Variants in ANO9 observed in about 807,000 individuals in gnomAD.
The protein encoded by ANO9 is anoctamin 9.
ANO9 carries 80 observed loss-of-function variants against 100.5 expected under a neutral mutation model. The ratio of observed to expected loss-of-function variants is 0.80; its 90% confidence interval spans 0.66 to 0.96. ANO9 has a LOEUF of 0.96. Among genes scored for constraint, ANO9 ranks in the 40% least tolerant of loss-of-function variants. The pLI, the probability that ANO9 is intolerant of heterozygous loss-of-function variation, is 0.00. For missense variants in ANO9, 1,064 were observed against 1,072.7 expected, an observed-to-expected ratio of 0.99 and a Z score of 0.11; for synonymous variants, 473 against 435.6, an observed-to-expected ratio of 1.09 and a Z score of -1.07.
intron 19 of ANO9, 71 bp downstream of exon 19, chr11:420,392 C>T: frequency 6.4e-7 from 1 of 1,566,490 alleles, no homozygotes; most frequent in Non-Finnish European, 8.6e-7. Context: ...GGTGAGCCGG[C>T]CTGGCCAGCG....
chr11:420,229 C>G, intron 19 of ANO9: 1 of 1,419,466 alleles, frequency 7.0e-7, no homozygotes, highest in East Asian at 2.6e-5. Flanking sequence ...TCAAGCCCCT[C>G]TGAGATCCTG....
chr11:438,021 C>G (rs906837119), intron 1 of ANO9, among the ~76,000 whole-genome samples: 1 of 152,126 alleles, frequency 6.6e-6, no homozygotes, highest in Non-Finnish European at 1.5e-5. Flanking sequence ...GGGACTGTCC[C>G]TGGGGAACAT....
At chr11:429,206 C>T (rs60966476) in intron 11 of ANO9, among the ~76,000 whole-genome samples, 6 of 115,508 alleles carry the variant, frequency 5.2e-5, no homozygotes, top group African/African-American at 1.5e-4. Flanking sequence ...TGGACAGACA[C>T]GGGACACTCA....
chr11:441,457 G>T (rs1047564760), intron 1 of ANO9, among the ~76,000 whole-genome samples: 7 of 152,142 alleles, frequency 4.6e-5, no homozygotes, highest in African/African-American at 1.7e-4. Context: ...ACAGCCCGCC[G>T]GCCACTCTGC....
chr11:435,001 A>T (rs1849336909), intron 1 of ANO9, among the ~76,000 whole-genome samples: 1 of 152,216 alleles, frequency 6.6e-6, no homozygotes, highest in African/African-American at 2.4e-5. Flanking sequence ...TGCTTGAGCC[A>T]GTTGGCCCTT....
rs1437040858 is a variant in ANO9, at chr11:421,164, C to G, written c.1369G>C (p.Ala457Pro). Residue 457 changes from alanine to proline, a missense_variant, in exon 16 of 23, where the codon GCG becomes CCG. Ala to Pro is a conservative substitution (Grantham distance 27). Transcript: ENST00000332826. The surrounding 1 kb of genome is among the most constrained non-coding windows in gnomAD (Gnocchi z 6.8). ...ACCTCTTCCAGCTTCCACAAGCCCG[C>G]CAGGCGCGTGGACTTCCCGGGGTGG... Reference protein sequence around the residue: ...NGHPGKSTRLAGLWKLEECHA... With the variant: ...NGHPGKSTRLPGLWKLEECHA... 2 of 1,566,216 alleles carry G rather than the reference C, an allele frequency of 1.3e-6. No homozygotes were observed. The highest frequency in any genetic ancestry group is 1.4e-5 in the African/African-American group (1 of 74,020).
rs370621568 is a variant in ANO9 at position 430,112 on chromosome 11, G to T, written c.742C>A (p.Arg248=). The part of the protein sequence containing the change: ...PLGDHSRRYQ[R]LSETCTFAKL... The stretch of plus-strand genomic sequence containing the variant: ...GCAAAAGTGCAGGTTTCCGAGAGCC[G>T]CTGGTACCTGCGGCTGTGGTCGCCG... Residue 248 remains arginine, a synonymous_variant, in exon 9 of 23, where the codon CGG becomes AGG. Coordinates refer to ENST00000332826, the MANE Select transcript of ANO9 (RefSeq NM_001012302.3). 9.2e-5 allele frequency: 143 copies of T among 1,552,444 alleles called. No individual in the cohort carries two copies. The highest frequency in any genetic ancestry group is 9.4e-5 in the Non-Finnish European group (108 of 1,148,506).
chr11:433,332 G>T lies in ANO9; in HGVS notation c.332C>A (p.Thr111Asn). ...CTCTCACCTCGTGGTGACCGGGATG[G>T]TGGTCGGCGCGGCCAGCTCGGCGTG... ...APHAELAAPTTIPVTTSLRIR... is the reference protein window; with the variant it reads ...APHAELAAPTNIPVTTSLRIR... The change falls in exon 4 of 23, where the codon ACC becomes AAC. Residue 111 changes from threonine to asparagine, a missense_variant. Thr to Asn is a moderately conservative substitution (Grantham distance 65, BLOSUM62 0). Coordinates refer to ENST00000332826, the MANE Select transcript of ANO9 (RefSeq NM_001012302.3). 1.2e-6 allele frequency: 2 copies of T among 1,612,620 alleles called. No individual in the cohort carries two copies. The highest frequency in any genetic ancestry group is 1.7e-6 in the Non-Finnish European group (2 of 1,179,724).
At position 431,895 on chromosome 11, in the gene ANO9, C is replaced by G. The variant is rs745754735; in HGVS notation, c.418G>C (p.Asp140His). 6 of 1,610,920 alleles carry G rather than the reference C, an allele frequency of 3.7e-6. No individual in the cohort carries two copies. The highest frequency in any genetic ancestry group is 5.1e-6 in the Non-Finnish European group (6 of 1,178,256). ...NKTSAGETFEDLMKDGVFEAR... is the reference protein window; with the variant it reads ...NKTSAGETFEHLMKDGVFEAR... ...TCAAAGACCCCGTCCTTCATCAGAT[C>G]CTCGAAGGTCTCTGGGTCACAGGGG... The change falls in exon 6 of 23, where the codon GAT (aspartate) becomes CAT (histidine). Residue 140 changes from aspartate to histidine, a missense_variant. Physicochemically the swap from Asp to His is moderately conservative, Grantham distance 81. Transcript: ENST00000332826.
chr11:433,740 A>G (rs1471307298), intron 3 of ANO9, 75 bp downstream of exon 3: 9 of 1,443,208 alleles, frequency 6.2e-6, no homozygotes, highest in South Asian at 2.7e-5. Flanking sequence ...CACCCGCCCC[A>G]GCCCCATGGC....
chr11:418,678 C>T, intron 22 of ANO9, 42 bp downstream of exon 22: 1 of 1,611,664 alleles, frequency 6.2e-7, no homozygotes, highest in East Asian at 2.2e-5. Context: ...GGGGAGAGCA[C>T]TGCCCAGACC....
intron 20 of ANO9, chr11:419,228 G>A: frequency 1.4e-6 from 2 of 1,426,400 alleles, no homozygotes; most frequent in Admixed American, 5.8e-5. Flanking sequence ...TGGCCCTGGG[G>A]ACCCAGTCTG....
rs1279762875 is a variant in ANO9, at chr11:420,760, G to C, written c.1591C>G (p.Pro531Ala). The change falls in exon 18 of 23, where the codon CCG becomes GCG. Residue 531 changes from proline to alanine, a missense_variant. Coordinates refer to ENST00000332826, the MANE Select transcript of ANO9 (RefSeq NM_001012302.3). The stretch of plus-strand genomic sequence containing the variant: ...TCGAACAGGCTGAAGGTGTTGACCG[G>C]GTTCAGAAGGTAGTTGCGCCGCCAG... ...RDWRRNYLLN[P>A]VNTFSLFDEF... 4.4e-6 allele frequency: 7 copies of C among 1,605,752 alleles called. No homozygotes were observed. Among genetic ancestry groups the C allele is most frequent in the Middle Eastern group, 1.6e-4 (1 of 6,082 alleles).
chr11:430,137 G>A lies in ANO9; in HGVS notation c.717C>T (p.Leu239=), dbSNP rs763474143. 1.4e-4 allele frequency: 214 copies of A among 1,554,004 alleles called. No homozygotes were observed. The highest frequency in any genetic ancestry group is 1.7e-4 in the Non-Finnish European group (201 of 1,149,366). ...GCTGGTACCTGCGGCTGTGGTCGCC[G>A]AGGGGACACATGAGGATGTCGTGGG... ...CEAHDILMCP[L]GDHSRRYQRL... The change falls in exon 9 of 23, where the codon CTC becomes CTT. Residue 239 remains leucine, a synonymous_variant. Coordinates refer to ENST00000332826, the MANE Select transcript of ANO9 (RefSeq NM_001012302.3).
chr11:428,225 T>C, intron 14 of ANO9, 26 bp from the exon 15 acceptor site: 1 of 1,610,000 alleles, frequency 6.2e-7, no homozygotes, highest in African/African-American at 1.3e-5. Flanking sequence ...CCCTCACCTC[T>C]CTCCCTGCTC....
intron 7 of ANO9, among the ~76,000 whole-genome samples, chr11:431,412 G>T: frequency 8.6e-6 from 1 of 116,758 alleles, no homozygotes; most frequent in Non-Finnish European, 1.8e-5. Context: ...CGGGGATGTG[G>T]GGGCGTCCGC....
At chr11:429,462 C>T (rs753829134) in intron 11 of ANO9, 108 bp downstream of exon 11, 76 of 1,520,996 alleles carry the variant, frequency 5.0e-5, no homozygotes, top group Non-Finnish European at 6.5e-5. Context: ...GAGACAGACT[C>T]GGGACACACA....
intron 18 of ANO9, 46 bp from the exon 19 acceptor site, chr11:420,661 G>T: frequency 1.9e-6 from 3 of 1,600,640 alleles, no homozygotes; most frequent in Non-Finnish European, 2.6e-6. Flanking sequence ...ACTCATGTCC[G>T]CGGACCCCCG....
rs78025724 is a variant in ANO9, at chr11:441,106, G to A, written c.6+815C>T. ...GTGTCAGACCTGGATGTGGAGGGCC[G>A]AGGAGAGCCCTGGGCGGAGATGGAG... On this transcript the variant is annotated intron_variant, in intron 1 of 22. Transcript: ENST00000332826. Among the ~76,000 whole-genome samples, 1,164 of 152,284 alleles carry A rather than the reference G, an allele frequency of 7.6e-3. 23 individuals carry two copies. Among genetic ancestry groups the A allele is most frequent in the African/African-American group, 0.025 (1,051 of 41,568 alleles).
Sources: gnomAD v4.1 joint callset for allele counts (sites outside exome capture counted in the v4.1 genomes callset) on GRCh38, gnomAD v4.1.1 for gene constraint, Gnocchi (gnomAD v3.1) non-coding constraint, MANE v1.5 for transcripts, NCBI Gene and HGNC (gene_info 2026-07-23, HGNC 2026-07-21) for gene names.